Variants in RANBP2 observed in about 807,000 individuals in gnomAD.
RANBP2 encodes RAN binding protein 2.
RANBP2 carries 57 observed loss-of-function variants against 303.6 expected under a neutral mutation model. The observed-to-expected ratio is 0.19, with a 90% CI of 0.15 to 0.23. The LOEUF (loss-of-function observed/expected upper bound fraction) is 0.23. Ranked by LOEUF, RANBP2 falls within the 10% of genes least tolerant of loss-of-function variation. The pLI is 1.00. For synonymous variants in RANBP2, 1,167 were observed against 1,301.5 expected (o/e 0.90, Z 2.23); for missense variants, 3,138 against 3,780.8 (o/e 0.83, Z 4.46).
At chr2:109,135,769 A>C in the RANBP2 span, among the ~76,000 whole-genome samples, 1 of 152,158 alleles carries the variant, frequency 6.6e-6, no homozygotes, top group Non-Finnish European at 1.5e-5. Context: ...CTGGGCATCT[A>C]TGCGGAGTAG....
the RANBP2 span, among the ~76,000 whole-genome samples, chr2:109,406,180 G>A: frequency 6.6e-6 from 1 of 152,182 alleles, no homozygotes; most frequent in Non-Finnish European, 1.5e-5. Flanking sequence ...GCATAATGGA[G>A]TATCATTCAC....
chr2:109,671,057 C>T, the RANBP2 span, among the ~76,000 whole-genome samples: 1 of 152,214 alleles, frequency 6.6e-6, no homozygotes, highest in East Asian at 1.9e-4. Context: ...TGGCCCCTGC[C>T]ACCCAGTGGA....
chr2:109,249,505 CTTTCATTCTTTCTTTTTCTTTCTTTCT>C, the RANBP2 span, among the ~76,000 whole-genome samples: 1 of 43,280 alleles, frequency 2.3e-5, no homozygotes, highest in Non-Finnish European at 4.2e-5. Context: ...TTCTTTCTTT[CTTTCATTCTTTCTTTTTCTTTCTTTCT>C]TTCCTTCCTT....
chr2:109,128,366 AGAGCC>A, the RANBP2 span: 1 of 152,166 alleles, frequency 6.6e-6, no homozygotes, highest in African/African-American at 2.4e-5. Flanking sequence ...GGCGGGCGCT[AGAGCC>A]CCTCGCACAG....
chr2:109,148,396 G>T, the RANBP2 span, among the ~76,000 whole-genome samples: 2 of 152,192 alleles, frequency 1.3e-5, no homozygotes, highest in Non-Finnish European at 2.9e-5. Context: ...ATCATAGGGA[G>T]GGCTTCTTAA....
At chr2:109,236,840 G>T in the RANBP2 span, among the ~76,000 whole-genome samples, 2 of 152,194 alleles carry the variant, frequency 1.3e-5, no homozygotes, top group African/African-American at 4.8e-5. Context: ...GATCAAAATT[G>T]CAGGTACAGT....
the RANBP2 span, among the ~76,000 whole-genome samples, chr2:109,526,161 T>C: frequency 6.6e-6 from 1 of 152,160 alleles, no homozygotes; most frequent in Non-Finnish European, 1.5e-5. Flanking sequence ...TTCCCTCTTT[T>C]GTCTCTCAGG....
At chr2:108,822,888 A>G in the RANBP2 span, among the ~76,000 whole-genome samples, 1 of 152,224 alleles carries the variant, frequency 6.6e-6, no homozygotes, top group African/African-American at 2.4e-5. Flanking sequence ...GAAAGTATCA[A>G]CAAAATTGAC....
At chr2:108,868,046 G>A in the RANBP2 span, among the ~76,000 whole-genome samples, 6 of 152,196 alleles carry the variant, frequency 3.9e-5, no homozygotes, top group Non-Finnish European at 8.8e-5. Flanking sequence ...GTTATCGACA[G>A]GCTGATGACT....
At chr2:108,787,541 GTAATCTA>G (rs1679089965), downstream of RANBP2, among the ~76,000 whole-genome samples, 2 of 152,198 alleles carry the variant, frequency 1.3e-5, no homozygotes, top group East Asian at 3.9e-4. Context: ...ATAATATTTG[GTAATCTA>G]GAGTTCATAA....
At chr2:108,979,467 T>TCTCTCACA in the RANBP2 span, among the ~76,000 whole-genome samples, 295 of 147,208 alleles carry the variant, frequency 2.0e-3, 5 homozygotes, top group Admixed American at 0.01. Context: ...TCTCTCTCTC[T>TCTCTCACA]CACACACACA....
chr2:109,121,155 G>A, the RANBP2 span, among the ~76,000 whole-genome samples: 2 of 152,060 alleles, frequency 1.3e-5, no homozygotes, highest in African/African-American at 2.4e-5. Context: ...GCTGAGGCAG[G>A]AGAATGACAT....
At chr2:109,574,888 G>T in the RANBP2 span, 1 of 576,334 alleles carries the variant, frequency 1.7e-6, no homozygotes, top group Non-Finnish European at 2.7e-6. Flanking sequence ...TATCTATGCT[G>T]AACAGATTAA....
the RANBP2 span, among the ~76,000 whole-genome samples, chr2:109,064,284 C>T: frequency 6.6e-6 from 1 of 151,592 alleles, no homozygotes; most frequent in African/African-American, 2.4e-5. Context: ...GGTGAAACCC[C>T]GTCTCTACTA....
the RANBP2 span, among the ~76,000 whole-genome samples, chr2:108,816,934 C>T: frequency 6.6e-6 from 1 of 152,200 alleles, no homozygotes; most frequent in South Asian, 2.1e-4. Flanking sequence ...TAGCTTCAAG[C>T]ATTCCTCCTG....
At chr2:109,122,990 T>C in the RANBP2 span, among the ~76,000 whole-genome samples, 1 of 152,184 alleles carries the variant, frequency 6.6e-6, no homozygotes, top group Non-Finnish European at 1.5e-5. Context: ...CCTCGGTAAC[T>C]TGCACAGTGA....
intron 15 of RANBP2, 51 bp from the exon 16 acceptor site, chr2:108,754,854 T>C: frequency 6.2e-7 from 1 of 1,608,178 alleles, no homozygotes; most frequent in Non-Finnish European, 8.5e-7. Context: ...AGTTTTTACT[T>C]TTGGAATTTT....
the RANBP2 span, among the ~76,000 whole-genome samples, chr2:109,065,485 C>T: frequency 6.6e-6 from 1 of 152,156 alleles, no homozygotes; most frequent in East Asian, 1.9e-4. Flanking sequence ...GAGGAATCAG[C>T]CCTCGTTCAG....
At chr2:109,213,231 T>G in the RANBP2 span, among the ~76,000 whole-genome samples, 12 of 152,280 alleles carry the variant, frequency 7.9e-5, no homozygotes, top group African/African-American at 2.9e-4. Flanking sequence ...CAGGGCTGCT[T>G]CTGAGCTCAG....
Sources: gnomAD v4.1 joint callset for allele counts (sites outside exome capture counted in the v4.1 genomes callset) on GRCh38, gnomAD v4.1.1 for gene constraint, MANE v1.5 for transcripts, NCBI Gene and HGNC (gene_info 2026-07-23, HGNC 2026-07-21) for gene names.